NRG1: variants seen among roughly 807,000 people sequenced by gnomAD.
NRG1 encodes neuregulin 1, also known as pro-neuregulin-1, membrane-bound isoform.
Under a neutral mutation model 63.8 loss-of-function variants are expected in NRG1, and 18 were observed. The ratio of observed to expected loss-of-function variants is 0.28; its 90% CI spans 0.19 to 0.42. The LOEUF is 0.42. Ranked by LOEUF, NRG1 falls within the 10% of genes least tolerant of loss-of-function variation. NRG1 has a pLI of 1.00. For missense variants in NRG1, 762 were observed against 814.7 expected (o/e 0.94, Z 0.79); for synonymous variants, 302 against 301.3 (o/e 1.00, Z -0.02).
chr8:32,047,271 G>A (rs768392832), intron 1 of NRG1, among the ~76,000 whole-genome samples: 12 of 152,026 alleles, frequency 7.9e-5, no homozygotes, highest in African/African-American at 1.4e-4. Flanking sequence ...AGGGATCAAT[G>A]TTCTCATCTG....
rs934012428 is a variant in NRG1 at position 32,017,532 on chromosome 8, C to T, written c.37+378101C>T. Among the ~76,000 whole-genome samples the T allele has an allele frequency of 3.3e-5, 5 of 152,272 alleles. No homozygotes were observed. In the South Asian group the frequency reaches 8.3e-4, roughly 25 times the overall value. Reference sequence around the variant, plus strand: ...TAAAGGCTCAGTCCCACAAGACCACCGTTCGCTTCACATGGCAGTCACAGG... The same window carrying T: ...TAAAGGCTCAGTCCCACAAGACCACTGTTCGCTTCACATGGCAGTCACAGG... On this transcript the variant is annotated intron_variant, in intron 1 of 10. Transcript: ENST00000519301.
Position 31,951,465 on chromosome 8 carries a change from G to T in NRG1, c.37+312034G>T, listed in dbSNP as rs571366582. Among the ~76,000 whole-genome samples, 7 of 152,304 alleles carry T rather than the reference G, an allele frequency of 4.6e-5. No homozygotes were observed. The South Asian group carries it at 1.2e-3, about 27-fold the overall frequency. Reference sequence around the variant, plus strand: ...CCTCTAGGGAAAAAAAAAGTCAATGGCTGAGATTGCAGTTCTCCATCCCCT... The same window carrying T: ...CCTCTAGGGAAAAAAAAAGTCAATGTCTGAGATTGCAGTTCTCCATCCCCT... On this transcript the variant is annotated intron_variant, in intron 1 of 10. Coordinates refer to the NRG1 transcript ENST00000519301.
intron 1 of NRG1, among the ~76,000 whole-genome samples, chr8:31,747,909 T>A (rs570614692): frequency 2.6e-5 from 4 of 152,100 alleles, no homozygotes; most frequent in Non-Finnish European, 5.9e-5. Context: ...ATCTTTTTAG[T>A]CTGAAGGCTG....
intron 1 of NRG1, among the ~76,000 whole-genome samples, chr8:32,284,125 A>T (rs748792877): frequency 3.9e-5 from 6 of 152,172 alleles, no homozygotes; most frequent in Non-Finnish European, 7.3e-5. Context: ...CTAGGCTTCA[A>T]CCTTGGGCTT....
intron 5 of NRG1, among the ~76,000 whole-genome samples, chr8:32,670,079 T>C (rs1424197175): frequency 6.6e-6 from 1 of 152,212 alleles, no homozygotes; most frequent in Non-Finnish European, 1.5e-5. Context: ...TACGTTTGAT[T>C]TGTTATTGCT....
At chr8:31,967,103 A>C (rs1476354056) in intron 1 of NRG1, among the ~76,000 whole-genome samples, 1 of 152,160 alleles carries the variant, frequency 6.6e-6, no homozygotes, top group East Asian at 1.9e-4. Flanking sequence ...GAGTGTATTG[A>C]AAAACCAGGC....
At chr8:32,386,783 C>T (rs2129483690) in intron 1 of NRG1, among the ~76,000 whole-genome samples, 3 of 152,304 alleles carry the variant, frequency 2.0e-5, no homozygotes, top group Non-Finnish European at 4.4e-5. Context: ...TCTCTCCTTA[C>T]TTTCATTTCT....
chr8:31,691,871 T>C lies in NRG1; in HGVS notation c.37+52440T>C, dbSNP rs139930304. ...TGTTTTTGTTTCAGAGACAGGGTCTTGCTCTGTTGCCCTGGCTGGGGTGTA... is the reference window on the plus strand; with the variant it reads ...TGTTTTTGTTTCAGAGACAGGGTCTCGCTCTGTTGCCCTGGCTGGGGTGTA... On this transcript the variant is annotated intron_variant, in intron 1 of 10. Coordinates refer to the NRG1 transcript ENST00000519301. Among the ~76,000 whole-genome samples, 691 of 152,278 alleles carry C rather than the reference T, an allele frequency of 4.5e-3. 9 individuals carry two copies. The highest frequency in any genetic ancestry group is 0.016 in the African/African-American group (647 of 41,560).
At chr8:32,503,288 GAAAAAAAAAAAAAA>G (rs60857610) in intron 1 of NRG1, among the ~76,000 whole-genome samples, 9 of 54,856 alleles carry the variant, frequency 1.6e-4, no homozygotes, top group South Asian at 8.2e-4. Flanking sequence ...CTCTGTCTCA[GAAAAAAAAAAAAAA>G]AAAAAAAAAA....
rs534978017 is a variant in NRG1 at position 31,649,760 on chromosome 8, AG to A, written c.37+10331del. ...TGGACTTACAGAAAACAGTCCTCCAAGGTCATCATGAGAATATTGTATTTTT... is the reference window on the plus strand; with the variant it reads ...TGGACTTACAGAAAACAGTCCTCCAAGTCATCATGAGAATATTGTATTTTT... On this transcript the variant is annotated intron_variant, in intron 1 of 10. Coordinates refer to the NRG1 transcript ENST00000519301. Among the ~76,000 whole-genome samples, 299 of 152,342 alleles carry A rather than the reference AG, an allele frequency of 2.0e-3. 4 individuals are homozygous for A. Among genetic ancestry groups the A allele is most frequent in the African/African-American group, 6.9e-3 (286 of 41,576 alleles).
At chr8:32,717,748 C>G (rs1175595747) in intron 5 of NRG1, among the ~76,000 whole-genome samples, 3 of 152,000 alleles carry the variant, frequency 2.0e-5, no homozygotes, top group Non-Finnish European at 2.9e-5. Context: ...TTTAGAGAGG[C>G]GTGTTTCAAG....
intron 1 of NRG1, among the ~76,000 whole-genome samples, chr8:32,377,602 G>A (rs1033088857): frequency 6.6e-6 from 1 of 152,130 alleles, no homozygotes; most frequent in African/African-American, 2.4e-5. Context: ...TCAAAGTAAG[G>A]ATTTGTAGTT....
chr8:32,570,371 A>G (rs1838319242), intron 1 of NRG1, among the ~76,000 whole-genome samples: 1 of 152,220 alleles, frequency 6.6e-6, no homozygotes, highest in African/African-American at 2.4e-5. Context: ...GGTTCTGGAA[A>G]TAAACAGAGA....
chr8:31,772,100 C>A (rs987162646), intron 1 of NRG1, among the ~76,000 whole-genome samples: 1 of 152,152 alleles, frequency 6.6e-6, no homozygotes, highest in Non-Finnish European at 1.5e-5. Flanking sequence ...GTTTTTATCC[C>A]ATTTGTGAGT....
At chr8:31,982,356 G>A (rs118078004) in intron 1 of NRG1, among the ~76,000 whole-genome samples, 1 of 152,110 alleles carries the variant, frequency 6.6e-6, no homozygotes, top group Non-Finnish European at 1.5e-5. Context: ...CAGTTGGGAA[G>A]AAGGTAAGTT....
intron 1 of NRG1, among the ~76,000 whole-genome samples, chr8:32,108,524 T>C (rs962119808): frequency 6.6e-6 from 1 of 152,136 alleles, no homozygotes; most frequent in Non-Finnish European, 1.5e-5. Flanking sequence ...AAAGGCTCTA[T>C]CTCTTAAAAC....
At chr8:31,841,082 G>T (rs576666166) in intron 1 of NRG1, among the ~76,000 whole-genome samples, 31 of 152,248 alleles carry the variant, frequency 2.0e-4, no homozygotes, top group African/African-American at 7.5e-4. Context: ...TTGTATTTGT[G>T]ATAAAGTTTT....
chr8:32,271,703 TG>T (rs962227549), intron 1 of NRG1, among the ~76,000 whole-genome samples: 22 of 152,308 alleles, frequency 1.4e-4, no homozygotes, highest in Non-Finnish European at 1.5e-4. Flanking sequence ...GGACTGGCTT[TG>T]GGGTGTGTTC....
chr8:32,424,141 T>G (rs1015694003), intron 1 of NRG1, among the ~76,000 whole-genome samples: 1 of 152,178 alleles, frequency 6.6e-6, no homozygotes, highest in African/African-American at 2.4e-5. Context: ...TTTCTCAAAC[T>G]CTTTTTCCTT....
Sources: gnomAD v4.1 joint callset for allele counts (sites outside exome capture counted in the v4.1 genomes callset) on GRCh38, gnomAD v4.1.1 for gene constraint, MANE v1.5 for transcripts, NCBI Gene and HGNC (gene_info 2026-07-23, HGNC 2026-07-21) for gene names.